The following RFTN1 variants were observed in gnomAD, a reference collection of about 807,000 sequenced individuals.
RFTN1 encodes the protein raftlin, lipid raft linker 1.
A neutral mutation model predicts 46.5 loss-of-function variants in RFTN1; 26 were observed. The observed-to-expected ratio is 0.56, with a 90% CI of 0.41 to 0.78. The LOEUF (loss-of-function observed/expected upper bound fraction) is 0.78. Among genes scored for constraint, RFTN1 ranks in the 30% least tolerant of loss-of-function variants. RFTN1 has a pLI of 0.00. For missense variants in RFTN1, 693 were observed against 718.7 expected (o/e 0.96, Z 0.41); for synonymous variants, 261 against 284.2 (o/e 0.92, Z 0.82).
chr3:16,486,886 G>A (rs774688658), intron 2 of RFTN1, among the ~76,000 whole-genome samples: 57 of 152,348 alleles, frequency 3.7e-4, no homozygotes, highest in Non-Finnish European at 6.6e-4. Context: ...GGGGCACAAC[G>A]TGATGGGACT....
At position 16,433,185 on chromosome 3, in the gene RFTN1, T is replaced by TA. The variant is rs1553595285; in HGVS notation, c.332+665dup. On this transcript the variant is annotated intron_variant, in intron 3 of 9. Transcript: ENST00000334133. This position sits in a 1 kb window ranked among gnomAD's most constrained non-coding sequence, Gnocchi z 4.4. Reference sequence around the variant, plus strand: ...TCCCATCCTCACTGTTTTTTTTTTTTAAAAAAATTAATATTGTTCCTTTTG... The same window carrying TA: ...TCCCATCCTCACTGTTTTTTTTTTTTAAAAAAAATTAATATTGTTCCTTTTG... 7.5e-3 allele frequency among the ~76,000 whole-genome samples: 1,133 copies of TA among 150,242 alleles called. 11 individuals carry two copies. Among genetic ancestry groups the TA allele is most frequent in the African/African-American group, 0.025 (1,033 of 40,910 alleles).
At chr3:16,430,549 C>A (rs1485506389) in intron 3 of RFTN1, among the ~76,000 whole-genome samples, 1 of 152,150 alleles carries the variant, frequency 6.6e-6, no homozygotes, top group African/African-American at 2.4e-5. Flanking sequence ...CTGCTTCCAA[C>A]CTCCACCACT....
In RFTN1 at chr3:16,317,234, TA is replaced by T; in HGVS notation, c.1333-3del. On this transcript the variant is annotated splice_region_variant and splice_polypyrimidine_tract_variant and intron_variant, in intron 9 of 9. Transcript: ENST00000334133. The surrounding 1 kb of genome is among the most constrained non-coding windows in gnomAD (Gnocchi z 4.3). ...TTCTCTGGAGAATCGCCACTGAAAC[TA>T]GAAATCAGAAAGGATGGGGATAAAT... The T allele has an allele frequency of 6.2e-7, 1 of 1,611,494 alleles. No homozygotes were observed. The highest frequency in any genetic ancestry group is 8.5e-7 in the Non-Finnish European group (1 of 1,179,940).
chr3:16,402,310 G>C lies in RFTN1; in HGVS notation c.441+7065C>G, dbSNP rs935506715. ...GTCCTGAAGACACAACAGTAAGCAG[G>C]GTACCCCATTGCCCCCTGCAAGGCC... On this transcript the variant is annotated intron_variant, in intron 4 of 9. Coordinates refer to ENST00000334133, the MANE Select transcript of RFTN1 (RefSeq NM_015150.2). This position sits in a 1 kb window ranked among gnomAD's most constrained non-coding sequence, Gnocchi z 4.5. Among the ~76,000 whole-genome samples, 2 of 152,096 alleles carry C rather than the reference G, an allele frequency of 1.3e-5. No individual in the cohort carries two copies. The highest frequency in any genetic ancestry group is 2.9e-5 in the Non-Finnish European group (2 of 68,020).
rs2076140007 is a variant in RFTN1 at position 16,468,503 on chromosome 3, T to C, written c.145+25222A>G. 6.6e-6 allele frequency among the ~76,000 whole-genome samples: 1 copy of C among 152,174 alleles called. No individual in the cohort carries two copies. Among genetic ancestry groups the C allele is most frequent in the African/African-American group, 2.4e-5 (1 of 41,456 alleles). ...TTTCTCTTCCAAGCCATTAAAACAC[T>C]TTAAGATGCCTTTTCATATCTTTGC... On this transcript the variant is annotated intron_variant, in intron 2 of 9. Transcript: ENST00000334133. This position sits in a 1 kb window ranked among gnomAD's most constrained non-coding sequence, Gnocchi z 4.4.
rs1457446751 is a variant in RFTN1 at position 16,480,331 on chromosome 3, C to T, written c.145+13394G>A. 6.6e-6 allele frequency among the ~76,000 whole-genome samples: 1 copy of T among 152,222 alleles called. No individual in the cohort carries two copies. Among genetic ancestry groups the T allele is most frequent in the East Asian group, 1.9e-4 (1 of 5,202 alleles). ...GCCCAAGTGAAATAATCCCTTCCCTCTTTTAAGAGGGCCCAATGAGGCTGT... is the reference window on the plus strand; with the variant it reads ...GCCCAAGTGAAATAATCCCTTCCCTTTTTTAAGAGGGCCCAATGAGGCTGT... On this transcript the variant is annotated intron_variant, in intron 2 of 9. Coordinates refer to ENST00000334133, the MANE Select transcript of RFTN1 (RefSeq NM_015150.2). This position sits in a 1 kb window ranked among gnomAD's most constrained non-coding sequence, Gnocchi z 4.3.
chr3:16,399,848 C>T (rs766121948), intron 4 of RFTN1, among the ~76,000 whole-genome samples: 4 of 152,166 alleles, frequency 2.6e-5, no homozygotes, highest in Non-Finnish European at 4.4e-5. Context: ...CACGGTGCCT[C>T]GTTACCCCAT....
chr3:16,326,999 A>G lies in RFTN1; in HGVS notation c.1147-123T>C, dbSNP rs565290606. 2.6e-4 allele frequency: 171 copies of G among 665,704 alleles called. No homozygotes were observed. In the African/African-American group the frequency reaches 3.0e-3, roughly 12 times the overall value. 41.2% of individuals were successfully genotyped at this position (665,704 alleles called of 1,614,324 possible). On this transcript the variant is annotated intron_variant, in intron 7 of 9. Coordinates refer to ENST00000334133, the MANE Select transcript of RFTN1 (RefSeq NM_015150.2). ...AAGAAGTGGCGGTGCCCGGCCACTC[A>G]GAGGCTCCTGCTCCGATGCTTGCTG...
Position 16,424,371 on chromosome 3 carries a change from T to C in RFTN1, c.332+9480A>G, listed in dbSNP as rs968212502. ...AATGAGGGAAGGTCATGGTATCTTT[T>C]GGTTACAAAACAGTGTATGTCTAAA... On this transcript the variant is annotated intron_variant, in intron 3 of 9. Transcript: ENST00000334133. This position sits in a 1 kb window ranked among gnomAD's most constrained non-coding sequence, Gnocchi z 4.7. Among the ~76,000 whole-genome samples, 4 of 152,236 alleles carry C rather than the reference T, an allele frequency of 2.6e-5. No individual in the cohort carries two copies. Among genetic ancestry groups the C allele is most frequent in the African/African-American group, 9.6e-5 (4 of 41,466 alleles).
intron 6 of RFTN1, among the ~76,000 whole-genome samples, chr3:16,366,790 C>T (rs186623456): frequency 1.4e-3 from 210 of 152,312 alleles, no homozygotes; most frequent in African/African-American, 4.9e-3. Flanking sequence ...GACCAGCACC[C>T]ACACAAAGCA....
In RFTN1 at chr3:16,374,755, A is replaced by C. The variant is rs1206831523; in HGVS notation, c.826+2963T>G. Among the ~76,000 whole-genome samples, 2 of 152,228 alleles carry C rather than the reference A, an allele frequency of 1.3e-5. No individual in the cohort carries two copies. Among genetic ancestry groups the C allele is most frequent in the Non-Finnish European group, 2.9e-5 (2 of 68,046 alleles). On this transcript the variant is annotated intron_variant, in intron 5 of 9. Coordinates refer to ENST00000334133, the MANE Select transcript of RFTN1 (RefSeq NM_015150.2). This position sits in a 1 kb window ranked among gnomAD's most constrained non-coding sequence, Gnocchi z 5.4. ...GGAGACACTGAGGCTGTCCCTGCAC[A>C]GGCTCAGGTGATCACGGCACAGCAC...
chr3:16,350,667 A>AT (rs1291351986), intron 7 of RFTN1, among the ~76,000 whole-genome samples: 1 of 152,076 alleles, frequency 6.6e-6, no homozygotes, highest in Non-Finnish European at 1.5e-5. Context: ...CTGTGCTATG[A>AT]TTTGCTTTGC....
At chr3:16,367,003 G>T (rs1559295481) in intron 6 of RFTN1, among the ~76,000 whole-genome samples, 1 of 152,268 alleles carries the variant, frequency 6.6e-6, no homozygotes, top group East Asian at 1.9e-4. Context: ...AGGGTGGGAG[G>T]CATGGGGAGG....
chr3:16,333,947 C>T (rs773628108), intron 7 of RFTN1, among the ~76,000 whole-genome samples: 4 of 152,142 alleles, frequency 2.6e-5, no homozygotes, highest in Admixed American at 6.5e-5. Flanking sequence ...GGGTAGAGCA[C>T]GAGGTCAGGA....
At chr3:16,495,903 C>T (rs1176895234) in intron 1 of RFTN1, among the ~76,000 whole-genome samples, 1 of 152,224 alleles carries the variant, frequency 6.6e-6, no homozygotes, top group East Asian at 1.9e-4. Context: ...AGTGCTGCTT[C>T]AGTAGGGGGG....
chr3:16,355,389 A>C (rs2072369623), intron 7 of RFTN1, among the ~76,000 whole-genome samples: 1 of 152,272 alleles, frequency 6.6e-6, no homozygotes, highest in East Asian at 1.9e-4. Context: ...GTCCAAGATC[A>C]GGCATCTTGA....
chr3:16,428,635 C>T lies in RFTN1; in HGVS notation c.332+5216G>A, dbSNP rs866663565. On this transcript the variant is annotated intron_variant, in intron 3 of 9. Coordinates refer to ENST00000334133, the MANE Select transcript of RFTN1 (RefSeq NM_015150.2). This position sits in a 1 kb window ranked among gnomAD's most constrained non-coding sequence, Gnocchi z 4.7. ...CTGTACCATGTAAGGCATTACTCTACGGAAGCTGTCGCCAAAGGACTTCAA... is the reference window on the plus strand; with the variant it reads ...CTGTACCATGTAAGGCATTACTCTATGGAAGCTGTCGCCAAAGGACTTCAA... Among the ~76,000 whole-genome samples, 5 of 152,128 alleles carry T rather than the reference C, an allele frequency of 3.3e-5. No individual in the cohort carries two copies. Among genetic ancestry groups the T allele is most frequent in the Non-Finnish European group, 7.4e-5 (5 of 68,022 alleles).
rs1432894754 is a variant in RFTN1 at position 16,460,297 on chromosome 3, T to C, written c.146-26260A>G. Among the ~76,000 whole-genome samples the C allele has an allele frequency of 2.6e-5, 4 of 152,220 alleles. No individual in the cohort carries two copies. The highest frequency in any genetic ancestry group is 6.5e-5 in the Admixed American group (1 of 15,278). On this transcript the variant is annotated intron_variant, in intron 2 of 9. Coordinates refer to ENST00000334133, the MANE Select transcript of RFTN1 (RefSeq NM_015150.2). The surrounding 1 kb of genome is among the most constrained non-coding windows in gnomAD (Gnocchi z 4.8). ...GCACATGGGTAGCATTTATATTAACTAAATTTGGTTTTCATTTTAGAAACA... is the reference window on the plus strand; with the variant it reads ...GCACATGGGTAGCATTTATATTAACCAAATTTGGTTTTCATTTTAGAAACA...
chr3:16,436,406 G>C (rs996174405), intron 2 of RFTN1, among the ~76,000 whole-genome samples: 3 of 151,262 alleles, frequency 2.0e-5, no homozygotes, highest in Non-Finnish European at 4.4e-5. Flanking sequence ...GCCCAGGCTG[G>C]AGTGCGGTGG....
Sources: allele counts gnomAD v4.1 joint callset (sites outside exome capture counted in the v4.1 genomes callset), GRCh38; gene constraint gnomAD v4.1.1; non-coding constraint Gnocchi (gnomAD v3.1); transcripts MANE v1.5; gene names NCBI Gene and HGNC (gene_info 2026-07-23, HGNC 2026-07-21).